Variants in MYT1L observed in about 807,000 individuals in gnomAD.
MYT1L encodes myelin transcription factor 1-like protein.
A neutral mutation model predicts 126.7 loss-of-function variants in MYT1L; 12 were observed. That is an observed-to-expected ratio of 0.09 (90% CI 0.06 to 0.15). MYT1L has a LOEUF of 0.15. Ranked by LOEUF, MYT1L falls within the 10% of genes least tolerant of loss-of-function variation. The pLI is 1.00. For synonymous variants in MYT1L, 541 were observed against 604.2 expected (o/e 0.90, Z 1.53); for missense variants, 979 against 1,585.2 (o/e 0.62, Z 6.49).
intron 3 of MYT1L, among the ~76,000 whole-genome samples, chr2:2,145,191 G>A (rs530367852): frequency 2.6e-5 from 4 of 152,240 alleles, no homozygotes; most frequent in African/African-American, 9.6e-5. Flanking sequence ...ACATGGCTCT[G>A]AAGGTGTGGC....
At chr2:1,859,940 C>A (rs550409292) in intron 18 of MYT1L, among the ~76,000 whole-genome samples, 43 of 152,336 alleles carry the variant, frequency 2.8e-4, no homozygotes, top group African/African-American at 9.4e-4. Flanking sequence ...TCTCTCGCTG[C>A]GGTTTGGCTG....
rs1489474771 is a variant in MYT1L at position 2,173,003 on chromosome 2, G to C, written c.-420-15C>G. 1 of 152,392 alleles carries C rather than the reference G, an allele frequency of 6.6e-6. No homozygotes were observed. The highest frequency in any genetic ancestry group is 1.5e-5 in the Non-Finnish European group (1 of 68,054). The allele number at this position is 152,392 out of a possible 1,614,324, so 9.4% of individuals were successfully genotyped here. A position where few individuals can be genotyped will look rare whatever the true frequency, so the allele number is the denominator to read the frequency against. On this transcript the variant is annotated splice_polypyrimidine_tract_variant and intron_variant, in intron 2 of 24. Transcript: ENST00000647738. ...GAGTTCATTTTCTAAAGGATAGAGCGACAACACAAAATACCTTAAGTAAGA... is the reference window on the plus strand; with the variant it reads ...GAGTTCATTTTCTAAAGGATAGAGCCACAACACAAAATACCTTAAGTAAGA...
chr2:1,927,474 T>C (rs1232879631), intron 9 of MYT1L, among the ~76,000 whole-genome samples: 1 of 152,204 alleles, frequency 6.6e-6, no homozygotes, highest in Non-Finnish European at 1.5e-5. Flanking sequence ...CCCTCCTCAC[T>C]AGAGTCTGGT....
intron 3 of MYT1L, among the ~76,000 whole-genome samples, chr2:2,087,346 CT>C (rs2076461466): frequency 6.6e-6 from 1 of 152,156 alleles, no homozygotes; most frequent in South Asian, 2.1e-4. Context: ...CATTAATGTT[CT>C]TCCCTTTTTC....
chr2:1,850,740 C>T (rs1200848152), intron 19 of MYT1L, among the ~76,000 whole-genome samples: 2 of 152,068 alleles, frequency 1.3e-5, no homozygotes, highest in East Asian at 1.9e-4. Context: ...CCACCCTGGC[C>T]GGCCATCAGC....
At chr2:1,994,484 C>T (rs1476192815) in intron 5 of MYT1L, among the ~76,000 whole-genome samples, 1 of 152,230 alleles carries the variant, frequency 6.6e-6, no homozygotes, top group Admixed American at 6.5e-5. Flanking sequence ...TGACTCCACC[C>T]CTGGGCCGTG....
At chr2:2,214,770 C>A (rs1035332043) in intron 2 of MYT1L, among the ~76,000 whole-genome samples, 2 of 152,026 alleles carry the variant, frequency 1.3e-5, no homozygotes, top group South Asian at 2.1e-4. Context: ...GATAGTCACA[C>A]GGTAACAAAG....
intron 3 of MYT1L, among the ~76,000 whole-genome samples, chr2:2,082,897 CAGA>C (rs1263330272): frequency 6.6e-6 from 1 of 152,164 alleles, no homozygotes; most frequent in Non-Finnish European, 1.5e-5. Flanking sequence ...CTGACTAGAA[CAGA>C]AGAACATCAG....
chr2:2,251,798 C>T (rs2094657285), intron 2 of MYT1L, among the ~76,000 whole-genome samples: 1 of 143,340 alleles, frequency 7.0e-6, no homozygotes, highest in South Asian at 2.2e-4. Flanking sequence ...ATCATTTGAG[C>T]ATCTAATAAG....
intron 4 of MYT1L, among the ~76,000 whole-genome samples, chr2:2,029,527 T>C (rs560623554): frequency 6.6e-6 from 1 of 152,300 alleles, no homozygotes; most frequent in South Asian, 2.1e-4. Context: ...TTCAATTATC[T>C]CCACCTGGTC....
At chr2:1,980,723 C>T (rs1029376471) in intron 5 of MYT1L, among the ~76,000 whole-genome samples, 1 of 152,230 alleles carries the variant, frequency 6.6e-6, no homozygotes, top group South Asian at 2.1e-4. Context: ...GGAGTAAGGA[C>T]CAAAAATCAC....
intron 3 of MYT1L, among the ~76,000 whole-genome samples, chr2:2,166,460 G>A (rs946252281): frequency 6.6e-6 from 1 of 152,216 alleles, no homozygotes; most frequent in Non-Finnish European, 1.5e-5. Context: ...GAGGGGAGAA[G>A]GGGTGGCAAT....
intron 21 of MYT1L, among the ~76,000 whole-genome samples, chr2:1,837,905 TTTTG>T (rs1420063177): frequency 6.7e-6 from 1 of 149,918 alleles, no homozygotes; most frequent in Non-Finnish European, 1.5e-5. Context: ...TTTTTTTGTC[TTTTG>T]TTTGTTTGTT....
chr2:2,209,251 A>C (rs919338218), intron 2 of MYT1L, among the ~76,000 whole-genome samples: 3 of 152,216 alleles, frequency 2.0e-5, no homozygotes, highest in Non-Finnish European at 1.5e-5. Flanking sequence ...TTACAAAAAA[A>C]ATCCAATCAT....
At chr2:1,877,579 G>A (rs916075496) in intron 18 of MYT1L, among the ~76,000 whole-genome samples, 1 of 152,158 alleles carries the variant, frequency 6.6e-6, no homozygotes, top group African/African-American at 2.4e-5. Flanking sequence ...TTCAGTAAGA[G>A]TGCATGATGA....
chr2:1,968,041 C>T (rs1243923039), intron 8 of MYT1L, among the ~76,000 whole-genome samples: 1 of 152,192 alleles, frequency 6.6e-6, no homozygotes, highest in African/African-American at 2.4e-5. Flanking sequence ...CATTCCTGGA[C>T]ACAGTCAACT....
intron 8 of MYT1L, among the ~76,000 whole-genome samples, chr2:1,949,269 G>GCAAA (rs2057515932): frequency 6.6e-6 from 1 of 152,194 alleles, no homozygotes; most frequent in African/African-American, 2.4e-5. Context: ...GAGTGAAAAG[G>GCAAA]CAAACGCATG....
intron 2 of MYT1L, among the ~76,000 whole-genome samples, chr2:2,237,111 A>G (rs1369635119): frequency 6.6e-6 from 1 of 151,892 alleles, no homozygotes; most frequent in Non-Finnish European, 1.5e-5. Flanking sequence ...ACCACGCCCA[A>G]CCTGGTTGTC....
intron 2 of MYT1L, among the ~76,000 whole-genome samples, chr2:2,202,396 G>T (rs372114159): frequency 6.6e-6 from 1 of 152,122 alleles, no homozygotes; most frequent in African/African-American, 2.4e-5. Flanking sequence ...AAGAAGAAAA[G>T]AGAGAAGAAC....
Sources: allele counts gnomAD v4.1 joint callset (sites outside exome capture counted in the v4.1 genomes callset), GRCh38; gene constraint gnomAD v4.1.1; transcripts MANE v1.5; gene names NCBI Gene and HGNC (gene_info 2026-07-23, HGNC 2026-07-21).